ACYP2: variants seen among roughly 807,000 people sequenced by gnomAD.
ACYP2 encodes the protein acylphosphatase 2, also known as acylphosphatase-2.
A neutral mutation model predicts 11.2 loss-of-function variants in ACYP2; 12 were observed. That is an observed-to-expected ratio of 1.08 (90% CI 0.69 to 1.74). The LOEUF is 1.74. Among genes scored for constraint, ACYP2 ranks in the 40% most tolerant of loss-of-function variants. The probability of loss-of-function intolerance (pLI) is 0.00; values close to 1 mark genes in which losing one functional copy is unlikely to be tolerated. For missense variants in ACYP2, 134 were observed against 101.9 expected, an observed-to-expected ratio of 1.31 and a Z score of -1.35; for synonymous variants, 43 against 32.2, an observed-to-expected ratio of 1.33 and a Z score of -1.13.
At chr2:53,996,537 T>C (rs1033458721) in intron 2 of ACYP2, among the ~76,000 whole-genome samples, 12 of 152,050 alleles carry the variant, frequency 7.9e-5, no homozygotes, top group African/African-American at 2.7e-4. Context: ...TAAGAGAAGT[T>C]TTGCAATGGG....
intron 2 of ACYP2, among the ~76,000 whole-genome samples, chr2:54,026,890 C>G (rs933328036): frequency 4.2e-5 from 6 of 141,806 alleles, no homozygotes; most frequent in Non-Finnish European, 1.5e-5. Context: ...ATACAATGGA[C>G]TTTAGGGACT....
intron 4 of ACYP2, among the ~76,000 whole-genome samples, chr2:54,081,310 C>G (rs955452386): frequency 3.3e-5 from 5 of 152,190 alleles, no homozygotes; most frequent in Non-Finnish European, 7.3e-5. Context: ...GCAGTATTAT[C>G]AAGTACAGTC....
intron 4 of ACYP2, among the ~76,000 whole-genome samples, chr2:54,061,480 T>C (rs564228120): frequency 4.1e-4 from 63 of 152,308 alleles, no homozygotes; most frequent in African/African-American, 1.5e-3. Context: ...AGACTAAAGT[T>C]GCTGATGATG....
intron 2 of ACYP2, among the ~76,000 whole-genome samples, chr2:54,009,197 G>A (rs1274669179): frequency 6.6e-6 from 1 of 151,982 alleles, no homozygotes; most frequent in East Asian, 1.9e-4. Context: ...AGGACTCGAG[G>A]AAAGTAGGGG....
At chr2:54,053,920 T>C (rs1675992059) in intron 3 of ACYP2, among the ~76,000 whole-genome samples, 1 of 152,254 alleles carries the variant, frequency 6.6e-6, no homozygotes, top group South Asian at 2.1e-4. Flanking sequence ...ACAGGTGTTC[T>C]GGTCTTTCAT....
At chr2:54,123,388 C>T (rs1680270363) in intron 4 of ACYP2, 4 of 398,448 alleles carry the variant, frequency 1.0e-5, no homozygotes, top group Middle Eastern at 6.2e-4. Flanking sequence ...TGGAGAATGA[C>T]TGCCCTTGTT....
chr2:54,060,801 T>C (rs1676430669), intron 4 of ACYP2, among the ~76,000 whole-genome samples: 2 of 152,218 alleles, frequency 1.3e-5, no homozygotes, highest in South Asian at 4.1e-4. Flanking sequence ...TGGCTGCTTC[T>C]TGGGATCCAC....
chr2:53,983,518 A>G (rs1017695135), intron 2 of ACYP2, among the ~76,000 whole-genome samples: 6 of 152,154 alleles, frequency 3.9e-5, no homozygotes, highest in Non-Finnish European at 7.3e-5. Flanking sequence ...AAAAGAAAAG[A>G]AAACAGTACG....
rs182785651 is a variant in ACYP2 at position 54,091,647 on chromosome 2, G to A, written c.277+34287G>A. Among the ~76,000 whole-genome samples the A allele has an allele frequency of 2.5e-3, 377 of 152,056 alleles. 6 individuals are homozygous for A. The highest frequency in any genetic ancestry group is 2.1e-3 in the East Asian group (11 of 5,170). On this transcript the variant is annotated intron_variant, in intron 4 of 6. Coordinates refer to ENST00000607452, the MANE Select transcript of ACYP2 (RefSeq NM_001320586.2). ...CTGCATCAGCCTCCTGAGTAGCTAG[G>A]ACTACAGTTGTGTGCCACCATGCCC...
chr2:54,138,616 C>T, intron 5 of ACYP2, 23 bp from the exon 3 acceptor site: 1 of 1,581,352 alleles, frequency 6.3e-7, no homozygotes, highest in Non-Finnish European at 8.7e-7. Flanking sequence ...GCACTTTATT[C>T]TTCTTGTTTT....
intron 6 of ACYP2, among the ~76,000 whole-genome samples, chr2:54,264,315 C>T (rs1015178777): frequency 6.6e-6 from 1 of 152,148 alleles, no homozygotes; most frequent in African/African-American, 2.4e-5. Context: ...GCGTGGAAGG[C>T]GACCCAAGCA....
At chr2:53,996,296 T>C in intron 2 of ACYP2, among the ~76,000 whole-genome samples, 1 of 152,090 alleles carries the variant, frequency 6.6e-6, no homozygotes, top group Non-Finnish European at 1.5e-5. Flanking sequence ...AAGTTGGAAG[T>C]GCAAGAAGTG....
At chr2:54,106,219 A>G (rs904865146) in intron 4 of ACYP2, among the ~76,000 whole-genome samples, 9 of 152,142 alleles carry the variant, frequency 5.9e-5, no homozygotes, top group Non-Finnish European at 1.2e-4. Flanking sequence ...AACCTTTTAA[A>G]GGTAAGATTT....
chr2:54,152,922 C>T (rs144016540), intron 6 of ACYP2, among the ~76,000 whole-genome samples: 28 of 152,292 alleles, frequency 1.8e-4, no homozygotes, highest in Middle Eastern at 3.4e-3. Flanking sequence ...CTCAGCCTTT[C>T]AAGTAGCTGG....
In ACYP2 at chr2:54,047,308, A is replaced by G. The variant is rs1675576506; in HGVS notation, c.63-3650A>G. Among the ~76,000 whole-genome samples, 3 of 152,250 alleles carry G rather than the reference A, an allele frequency of 2.0e-5. 1 individual carries two copies. Among genetic ancestry groups the G allele is most frequent in the Non-Finnish European group, 2.9e-5 (2 of 68,046 alleles). ...GTGAATCATCACCACACACTCATGC[A>G]TGGCATATTTCTTATAAATTTAAAA... On this transcript the variant is annotated intron_variant, in intron 2 of 6. Transcript: ENST00000607452.
At chr2:54,054,559 C>T (rs1573618368) in intron 3 of ACYP2, among the ~76,000 whole-genome samples, 1 of 152,176 alleles carries the variant, frequency 6.6e-6, no homozygotes, top group East Asian at 1.9e-4. Flanking sequence ...TTGAAGTCTT[C>T]TTAACATAAC....
intron 6 of ACYP2, chr2:54,254,790 A>C: frequency 1.2e-6 from 1 of 869,444 alleles, no homozygotes; most frequent in Non-Finnish European, 1.7e-6. Flanking sequence ...GAGAACGGAA[A>C]GTTTAAACAG....
intron 6 of ACYP2, among the ~76,000 whole-genome samples, chr2:54,155,544 C>G (rs1439746418): frequency 1.3e-5 from 2 of 152,154 alleles, no homozygotes; most frequent in African/African-American, 2.4e-5. Flanking sequence ...AGAGCGAACC[C>G]TATTGTGAAC....
intron 4 of ACYP2, among the ~76,000 whole-genome samples, chr2:54,118,066 G>C (rs1679918077): frequency 6.6e-6 from 1 of 152,206 alleles, no homozygotes; most frequent in African/African-American, 2.4e-5. Flanking sequence ...GATAACAGGA[G>C]ACCTTTCTTT....
Sources: gnomAD v4.1 joint callset for allele counts (sites outside exome capture counted in the v4.1 genomes callset) on GRCh38, gnomAD v4.1.1 for gene constraint, MANE v1.5 for transcripts, NCBI Gene and HGNC (gene_info 2026-07-23, HGNC 2026-07-21) for gene names.